The following PDE10A variants were observed in gnomAD, a reference collection of about 807,000 sequenced individuals.
PDE10A encodes cAMP and cAMP-inhibited cGMP 3',5'-cyclic phosphodiesterase 10A.
PDE10A carries 39 observed loss-of-function variants against 97.7 expected under a neutral mutation model. That is an observed-to-expected ratio of 0.40 (90% CI 0.31 to 0.52). PDE10A has a LOEUF of 0.52. Ranked by LOEUF, PDE10A falls within the 20% of genes least tolerant of loss-of-function variation. PDE10A has a pLI of 0.56. For synonymous variants in PDE10A, 371 were observed against 376.8 expected (o/e 0.98, Z 0.18); for missense variants, 731 against 1,047.8 (o/e 0.70, Z 4.17).
intron 18 of PDE10A, among the ~76,000 whole-genome samples, chr6:165,362,959 A>T (rs1783521626): frequency 6.6e-6 from 1 of 152,180 alleles, no homozygotes; most frequent in Non-Finnish European, 1.5e-5. Flanking sequence ...AAATAACAAA[A>T]ACTGCTTGAT....
At chr6:165,517,809 T>C (rs945785241) in intron 2 of PDE10A, among the ~76,000 whole-genome samples, 4 of 152,184 alleles carry the variant, frequency 2.6e-5, no homozygotes, top group African/African-American at 9.7e-5. Flanking sequence ...TCTACATATG[T>C]GTTAAAATTC....
intron 1 of PDE10A, among the ~76,000 whole-genome samples, chr6:165,812,639 TGTG>T (rs1176697521): frequency 6.6e-6 from 1 of 152,216 alleles, no homozygotes; most frequent in Non-Finnish European, 1.5e-5. Context: ...TTAATTATGG[TGTG>T]GTGAAATATA....
intron 1 of PDE10A, among the ~76,000 whole-genome samples, chr6:165,760,413 T>C (rs9459502): frequency 0.71 from 107,569 of 152,066 alleles, 39,115 homozygotes; most frequent in Middle Eastern, 0.85. Flanking sequence ...TCAGCTGCCA[T>C]ACTTTAAGAA....
At chr6:165,431,536 TA>T in intron 7 of PDE10A, 64 bp from the exon 8 acceptor site, 1 of 476,080 alleles carries the variant, frequency 2.1e-6, no homozygotes, top group Non-Finnish European at 3.5e-6. Context: ...ATATACTATA[TA>T]TAATATACTA....
chr6:165,959,973 C>A lies in PDE10A; in HGVS notation c.-615+27556G>T, dbSNP rs1208007295. Among the ~76,000 whole-genome samples the A allele has an allele frequency of 2.0e-5, 3 of 152,238 alleles. No homozygotes were observed. The East Asian group carries it at 5.8e-4, about 29-fold the overall frequency. On this transcript the variant is annotated intron_variant, in intron 1 of 19. Transcript: ENST00000366882. ...CTTTATCTACAGTTAGCTGCACCAGCCACAGCAAGGGACAATCCAGCAAAA... is the reference window on the plus strand; with the variant it reads ...CTTTATCTACAGTTAGCTGCACCAGACACAGCAAGGGACAATCCAGCAAAA...
At chr6:165,677,761 T>C (rs947319092) in intron 1 of PDE10A, among the ~76,000 whole-genome samples, 5 of 152,132 alleles carry the variant, frequency 3.3e-5, no homozygotes, top group African/African-American at 1.2e-4. Flanking sequence ...TTCATATGCG[T>C]AATGTGTTTG....
chr6:165,667,808 A>T (rs1790534614), upstream of PDE10A, among the ~76,000 whole-genome samples: 1 of 152,232 alleles, frequency 6.6e-6, no homozygotes, highest in Non-Finnish European at 1.5e-5. Context: ...GGTGTTAAAA[A>T]GTATTGCTGA....
At chr6:165,966,553 C>T (rs189891770) in intron 1 of PDE10A, among the ~76,000 whole-genome samples, 1 of 152,334 alleles carries the variant, frequency 6.6e-6, no homozygotes, top group East Asian at 1.9e-4. Context: ...AGCCCACTTG[C>T]TTTTTTGTCA....
At chr6:165,859,677 T>C (rs891745630) in intron 1 of PDE10A, among the ~76,000 whole-genome samples, 1 of 152,196 alleles carries the variant, frequency 6.6e-6, no homozygotes, top group Non-Finnish European at 1.5e-5. Flanking sequence ...TTAAAAATGT[T>C]TTTTCTCCAA....
intron 2 of PDE10A, among the ~76,000 whole-genome samples, chr6:165,490,894 G>T (rs636102): frequency 1.4e-4 from 21 of 152,040 alleles, no homozygotes; most frequent in Non-Finnish European, 2.9e-5. Flanking sequence ...AGTAGAGGCC[G>T]CAGTGAGCCA....
intron 19 of PDE10A, among the ~76,000 whole-genome samples, chr6:165,341,290 T>C (rs1220856074): frequency 6.6e-6 from 1 of 152,190 alleles, no homozygotes; most frequent in Non-Finnish European, 1.5e-5. Flanking sequence ...GTGAATAATA[T>C]AAAGGAAAAA....
intron 1 of PDE10A, among the ~76,000 whole-genome samples, chr6:165,829,649 C>T (rs887718780): frequency 5.3e-5 from 8 of 152,190 alleles, no homozygotes; most frequent in African/African-American, 7.2e-5. Flanking sequence ...CAAAAGTGAT[C>T]GGATCTCTCG....
chr6:165,628,578 AAGTGATTCTCTTG>A (rs1788492083), intron 1 of PDE10A, among the ~76,000 whole-genome samples: 4 of 145,600 alleles, frequency 2.7e-5, no homozygotes, highest in African/African-American at 8.5e-5. Flanking sequence ...GGCTCGCCTC[AAGTGATTCTCTTG>A]CCTCAACCTC....
At chr6:165,538,608 C>T (rs1470720145) in intron 2 of PDE10A, among the ~76,000 whole-genome samples, 1 of 152,024 alleles carries the variant, frequency 6.6e-6, no homozygotes, top group Non-Finnish European at 1.5e-5. Context: ...TCTTCATGCA[C>T]CCTTTCTAAT....
chr6:165,703,298 A>G lies in PDE10A; in HGVS notation c.-614-159730T>C, dbSNP rs140757775. Among the ~76,000 whole-genome samples, 884 of 152,288 alleles carry G rather than the reference A, an allele frequency of 5.8e-3. 5 individuals carry two copies. The highest frequency in any genetic ancestry group is 0.017 in the South Asian group (83 of 4,814). ...GAGAAGGACCATCTCAGGCCCTGCA[A>G]TCGTAGCTTTAGATTCTGCCTGTCC... is the stretch of plus-strand genomic sequence containing the variant. On this transcript the variant is annotated intron_variant, in intron 1 of 19. Coordinates refer to the PDE10A transcript ENST00000366882.
At position 165,545,443 on chromosome 6, in the gene PDE10A, T is replaced by C. The variant is rs1468796487; in HGVS notation, c.866-1875A>G. 2.0e-5 allele frequency among the ~76,000 whole-genome samples: 3 copies of C among 152,124 alleles called. 1 individual carries two copies. Among genetic ancestry groups the C allele is most frequent in the Non-Finnish European group, 2.9e-5 (2 of 67,952 alleles). On this transcript the variant is annotated intron_variant, in intron 1 of 21. Coordinates refer to ENST00000539869, the MANE Select transcript of PDE10A (RefSeq NM_001385079.1). ...TCCCAGAAACTGAGGCTGAAAAATA[T>C]AGTAATAACTGACTCATTCCGACTT...
intron 5 of PDE10A, among the ~76,000 whole-genome samples, chr6:165,439,194 C>T (rs758889586): frequency 6.6e-6 from 1 of 152,056 alleles, no homozygotes; most frequent in Middle Eastern, 3.4e-3. Flanking sequence ...AATGGAAACA[C>T]CAGACATTAT....
intron 18 of PDE10A, among the ~76,000 whole-genome samples, chr6:165,360,000 AC>A (rs1783292670): frequency 6.6e-6 from 1 of 152,070 alleles, no homozygotes; most frequent in Admixed American, 6.6e-5. Flanking sequence ...CTGTTACTTC[AC>A]TAGTGGATCT....
At chr6:165,684,596 G>A (rs1320508923) in intron 1 of PDE10A, among the ~76,000 whole-genome samples, 1 of 152,174 alleles carries the variant, frequency 6.6e-6, no homozygotes, top group African/African-American at 2.4e-5. Context: ...TGGCCGAGGC[G>A]CTGAGCTGCC....
Sources: gnomAD v4.1 joint callset for allele counts (sites outside exome capture counted in the v4.1 genomes callset) on GRCh38, gnomAD v4.1.1 for gene constraint, MANE v1.5 for transcripts, NCBI Gene and HGNC (gene_info 2026-07-23, HGNC 2026-07-21) for gene names.